Variants in INVS observed in about 807,000 individuals in gnomAD.
INVS encodes inversion of embryo turning homolog.
In INVS, 86 loss-of-function variants were observed where a neutral mutation model predicts 108.8. The ratio of observed to expected loss-of-function variants is 0.79; its 90% CI spans 0.66 to 0.95. The LOEUF is 0.95. INVS is among the 40% of genes least tolerant of loss of function. The pLI, the probability that INVS is intolerant of heterozygous loss-of-function variation, is 0.00. For synonymous variants in INVS, 455 were observed against 473.5 expected (o/e 0.96, Z 0.51); for missense variants, 1,169 against 1,297.4 (o/e 0.90, Z 1.52).
rs1477195157 is a variant in INVS, at chr9:100,126,472, G to C, written c.196G>C (p.Ala66Pro). ...GGCTGACAGATTGGATTGTGCAGAT[G>C]CTCTTCTGAAGGCAGGAGCAGATGT... ...VLADRLDCAD[A>P]LLKAGADVNK... The change falls in exon 3 of 17, where the codon GCT (alanine) becomes CCT (proline). Residue 66 changes from alanine to proline, a missense_variant. Physicochemically the swap from Ala to Pro is conservative, Grantham distance 27. Around this residue, in one of 3 missense-constraint regions of INVS, gnomAD observed 365 missense variants for 397.5 expected, o/e 0.92. Coordinates refer to ENST00000262457, the MANE Select transcript of INVS (RefSeq NM_014425.5). The C allele has an allele frequency of 6.2e-7, 1 of 1,614,042 alleles. No individual in the cohort carries two copies. The highest frequency in any genetic ancestry group is 1.7e-5 in the Admixed American group (1 of 60,000).
chr9:100,190,363 T>C (rs1000077367), intron 3 of INVS, among the ~76,000 whole-genome samples: 1 of 152,170 alleles, frequency 6.6e-6, no homozygotes, highest in Non-Finnish European at 1.5e-5. Context: ...ACCATTTACA[T>C]TTAACGTTAA....
At chr9:100,290,087 T>G (rs979382766) in intron 13 of INVS, among the ~76,000 whole-genome samples, 28 of 65,876 alleles carry the variant, frequency 4.3e-4, no homozygotes, top group Admixed American at 8.9e-4. Flanking sequence ...GTAGTTTTAG[T>G]TTTTTTTTTG....
At chr9:100,174,552 C>T (rs1354305224) in intron 3 of INVS, among the ~76,000 whole-genome samples, 1 of 152,068 alleles carries the variant, frequency 6.6e-6, no homozygotes, top group African/African-American at 2.4e-5. Flanking sequence ...CCAAAAATTG[C>T]CCAAACTTGG....
At chr9:100,283,124 C>T (rs1170435085) in intron 12 of INVS, among the ~76,000 whole-genome samples, 1 of 152,052 alleles carries the variant, frequency 6.6e-6, no homozygotes, top group Non-Finnish European at 1.5e-5. Context: ...GCCTGGGCAA[C>T]AAAGTGAGAC....
Position 100,229,689 on chromosome 9 carries a change from C to CAAT in INVS, c.480_482dup (p.Asn161dup). ...CAGCTCTGCATTGGAGTGCCTACTACAATAACCCTGAGCATGTGAAGCTGC... is the reference window on the plus strand; with the variant it reads ...CAGCTCTGCATTGGAGTGCCTACTACAATAATAACCCTGAGCATGTGAAGCTGC... On this transcript the variant is annotated inframe_insertion, in exon 5 of 17. Coordinates refer to ENST00000262457, the MANE Select transcript of INVS (RefSeq NM_014425.5). The CAAT allele has an allele frequency of 6.2e-7, 1 of 1,614,082 alleles. No homozygotes were observed. The highest frequency in any genetic ancestry group is 8.5e-7 in the Non-Finnish European group (1 of 1,179,996).
At chr9:100,123,631 G>T (rs1406307095) in intron 2 of INVS, among the ~76,000 whole-genome samples, 1 of 152,154 alleles carries the variant, frequency 6.6e-6, no homozygotes, top group East Asian at 1.9e-4. Flanking sequence ...ACATACTTGG[G>T]ATTGGAATTG....
At chr9:100,275,091 A>T (rs964787295) in intron 12 of INVS, among the ~76,000 whole-genome samples, 1 of 152,154 alleles carries the variant, frequency 6.6e-6, no homozygotes, top group Non-Finnish European at 1.5e-5. Context: ...AGGAAATACT[A>T]TGTTGTACTC....
chr9:100,191,219 C>G (rs1358470665), intron 3 of INVS, among the ~76,000 whole-genome samples: 1 of 152,136 alleles, frequency 6.6e-6, no homozygotes, highest in South Asian at 2.1e-4. Flanking sequence ...GTTTGGTTAT[C>G]TAAATCTCTA....
intron 3 of INVS, among the ~76,000 whole-genome samples, chr9:100,207,396 C>T (rs780854312): frequency 7.2e-5 from 11 of 152,064 alleles, no homozygotes; most frequent in Admixed American, 2.6e-4. Flanking sequence ...TGGATTCAAG[C>T]GATTCTCATG....
chr9:100,291,057 C>T (rs1361356745), intron 13 of INVS, among the ~76,000 whole-genome samples: 1 of 148,918 alleles, frequency 6.7e-6, no homozygotes, highest in Non-Finnish European at 1.5e-5. Flanking sequence ...ATCTATGTGC[C>T]TGTTTTATTA....
At chr9:100,293,482 C>T (rs1833689942) in intron 14 of INVS, among the ~76,000 whole-genome samples, 2 of 152,174 alleles carry the variant, frequency 1.3e-5, no homozygotes, top group Admixed American at 1.3e-4. Flanking sequence ...TTCTAAATTA[C>T]TACACATAGG....
chr9:100,269,634 AT>A (rs1163492586), intron 11 of INVS, among the ~76,000 whole-genome samples: 1 of 151,990 alleles, frequency 6.6e-6, no homozygotes, highest in East Asian at 1.9e-4. Flanking sequence ...AAGATAAATA[AT>A]TTTTTTTCTA....
chr9:100,232,319 G>A (rs1831538630), intron 5 of INVS, among the ~76,000 whole-genome samples: 3 of 152,080 alleles, frequency 2.0e-5, no homozygotes, highest in Non-Finnish European at 4.4e-5. Flanking sequence ...TCACGCTGAT[G>A]ATAGTTTCTT....
intron 3 of INVS, among the ~76,000 whole-genome samples, chr9:100,209,179 G>T (rs1251689428): frequency 6.6e-6 from 1 of 152,200 alleles, no homozygotes; most frequent in Non-Finnish European, 1.5e-5. Flanking sequence ...GGAAATGGAT[G>T]TAAAAACTGT....
rs770493291 is a variant in INVS, at chr9:100,157,267, C to CT, written c.273+30733dup. On this transcript the variant is annotated intron_variant, in intron 3 of 16. Coordinates refer to ENST00000262457, the MANE Select transcript of INVS (RefSeq NM_014425.5). The stretch of plus-strand genomic sequence containing the variant: ...GAAATAGTAAAAATTTCTTTTTTTT[C>CT]TTTTTTTTTTTTTTTGAGGCAGAGT... Among the ~76,000 whole-genome samples the CT allele has an allele frequency of 4.3e-3, 559 of 130,066 alleles. 4 individuals carry two copies. Among genetic ancestry groups the CT allele is most frequent in the Non-Finnish European group, 5.9e-3 (373 of 63,394 alleles). 85.3% of individuals were successfully genotyped at this position (130,066 alleles called of 152,430 possible).
chr9:100,206,123 A>T lies in INVS; in HGVS notation c.274-19939A>T, dbSNP rs565630403. ...TAGTGAGAATACTTCTGGTTTTCAC[A>T]ACAAGAATACTGTGAATATTAAGTA... On this transcript the variant is annotated intron_variant, in intron 3 of 16. Transcript: ENST00000262457. 1.1e-4 allele frequency among the ~76,000 whole-genome samples: 17 copies of T among 152,260 alleles called. No individual in the cohort carries two copies. The South Asian group carries it at 3.5e-3, about 32-fold the overall frequency.
rs75125978 is a variant in INVS, at chr9:100,295,823, C to T, written c.2787-1094C>T. On this transcript the variant is annotated intron_variant, in intron 14 of 16. Transcript: ENST00000262457. ...CTTCAGCCACTACCTGGGCTTCCCC[C>T]CAAGTTCTGTGCCCACAAGAGCAGA... is the stretch of plus-strand genomic sequence containing the variant. 3.6e-3 allele frequency among the ~76,000 whole-genome samples: 549 copies of T among 152,334 alleles called. 1 individual carries two copies. Among genetic ancestry groups the T allele is most frequent in the African/African-American group, 0.012 (500 of 41,576 alleles).
intron 5 of INVS, among the ~76,000 whole-genome samples, chr9:100,231,908 A>T (rs1281043575): frequency 6.6e-6 from 1 of 152,214 alleles, no homozygotes; most frequent in Non-Finnish European, 1.5e-5. Flanking sequence ...TTCTGGTTCT[A>T]GATCCTTGAG....
intron 3 of INVS, among the ~76,000 whole-genome samples, chr9:100,223,553 A>T (rs2118385090): frequency 6.6e-6 from 1 of 152,330 alleles, no homozygotes. Flanking sequence ...CTCTGCTTTC[A>T]TGGAGCTTAC....
Sources: allele counts gnomAD v4.1 joint callset (sites outside exome capture counted in the v4.1 genomes callset), GRCh38; gene constraint gnomAD v4.1.1; regional missense constraint gnomAD v4.1.1; transcripts MANE v1.5; gene names NCBI Gene and HGNC (gene_info 2026-07-23, HGNC 2026-07-21).